Variants in FNBP4 observed in about 807,000 individuals in gnomAD.
FNBP4 encodes the protein formin-binding protein 4.
Under a neutral mutation model 119.3 loss-of-function variants are expected in FNBP4, and 34 were observed. That is an observed-to-expected ratio of 0.28 (90% CI 0.22 to 0.38). The LOEUF is 0.38. FNBP4 is among the 10% of genes least tolerant of loss of function. The probability of loss-of-function intolerance (pLI) is 1.00; values close to 1 mark genes in which losing one functional copy is unlikely to be tolerated. For missense variants in FNBP4, 1,112 were observed against 1,228.9 expected, an observed-to-expected ratio of 0.90 and a Z score of 1.42; for synonymous variants, 462 against 430.6, an observed-to-expected ratio of 1.07 and a Z score of -0.90.
chr11:47,763,229 C>T (rs1275098037), intron 2 of FNBP4, among the ~76,000 whole-genome samples: 1 of 151,884 alleles, frequency 6.6e-6, no homozygotes, highest in East Asian at 2.0e-4. Context: ...TTTGGGAGTC[C>T]AAGGCGGGTG....
intron 12 of FNBP4, chr11:47,730,061 T>G: frequency 1.0e-6 from 1 of 985,464 alleles, no homozygotes; most frequent in Non-Finnish European, 1.2e-6. Flanking sequence ...TCATCTAAAG[T>G]GTTCACAGAA....
intron 1 of FNBP4, among the ~76,000 whole-genome samples, chr11:47,766,150 C>A (rs561476872): frequency 5.3e-4 from 80 of 151,988 alleles, no homozygotes; most frequent in Middle Eastern, 3.2e-3. Context: ...TCCGTCTCTA[C>A]TGAAAATACA....
At position 47,750,890 on chromosome 11, in the gene FNBP4, C is replaced by CA. The variant is rs771029248; in HGVS notation, c.906+25dup. On this transcript the variant is annotated intron_variant, in intron 6 of 16. Transcript: ENST00000263773. The stretch of plus-strand genomic sequence containing the variant: ...AACGCTTATTAGATCTGAAAATAAA[C>CA]AAATGAGGTAAGTTTCGACACTGAC... The CA allele has an allele frequency of 2.0e-4, 315 of 1,611,768 alleles. 3 individuals are homozygous for CA. The highest frequency in any genetic ancestry group is 1.3e-3 in the South Asian group (120 of 90,818).
At chr11:47,753,349 G>A (rs1458364310) in intron 3 of FNBP4, among the ~76,000 whole-genome samples, 1 of 152,084 alleles carries the variant, frequency 6.6e-6, no homozygotes, top group African/African-American at 2.4e-5. Flanking sequence ...GGTGGCTCAC[G>A]CCTGTAATCC....
Position 47,722,963 on chromosome 11 carries a change from A to G in FNBP4, c.2805+13T>C. The G allele has an allele frequency of 6.7e-7, 1 of 1,486,456 alleles. No individual in the cohort carries two copies. The highest frequency in any genetic ancestry group is 8.9e-7 in the Non-Finnish European group (1 of 1,125,694). 92.1% of individuals were successfully genotyped at this position (1,486,456 alleles called of 1,614,324 possible). A position where few individuals can be genotyped will look rare whatever the true frequency, so the allele number is the denominator to read the frequency against. On this transcript the variant is annotated intron_variant, in intron 15 of 16. Coordinates refer to ENST00000263773, the MANE Select transcript of FNBP4 (RefSeq NM_015308.5). ...TTTAAAAATAAATTTTTAAAAAGGGAAATTTATTATACCTTGTCTTTCCTT... is the reference window on the plus strand; with the variant it reads ...TTTAAAAATAAATTTTTAAAAAGGGGAATTTATTATACCTTGTCTTTCCTT...
At chr11:47,722,329 A>C (rs889517107) in intron 15 of FNBP4, among the ~76,000 whole-genome samples, 1 of 151,512 alleles carries the variant, frequency 6.6e-6, no homozygotes, top group Non-Finnish European at 1.5e-5. Context: ...GCTCACTGCA[A>C]CCTCAGCCTC....
chr11:47,726,407 ATTT>A (rs5791786), intron 12 of FNBP4: 3 of 135,684 alleles, frequency 2.2e-5, no homozygotes. Context: ...CTAATTTTTA[ATTT>A]TTTTTTTTTT....
At chr11:47,760,705 A>C (rs1565167009) in intron 2 of FNBP4, among the ~76,000 whole-genome samples, 1 of 152,134 alleles carries the variant, frequency 6.6e-6, no homozygotes, top group Non-Finnish European at 1.5e-5. Context: ...AAGTGCTGGG[A>C]TCACAGGCGT....
At chr11:47,743,396 T>A (rs2097585042) in intron 8 of FNBP4, among the ~76,000 whole-genome samples, 1 of 151,996 alleles carries the variant, frequency 6.6e-6, no homozygotes, top group African/African-American at 2.4e-5. Context: ...GGTAAGAGAA[T>A]TGCTTGAATC....
chr11:47,731,202 G>C (rs1460802413), intron 12 of FNBP4, 172 bp downstream of exon 12: 9 of 567,022 alleles, frequency 1.6e-5, no homozygotes, highest in Admixed American at 7.6e-5. Context: ...GATAACAATA[G>C]TATGCTGATT....
At chr11:47,738,846 AATTTTTTTTTTTTTTTTTTT>A (rs2097577746) in intron 8 of FNBP4, among the ~76,000 whole-genome samples, 1 of 71,670 alleles carries the variant, frequency 1.4e-5, no homozygotes, top group Non-Finnish European at 3.2e-5. Context: ...ATGCCCAGGT[AATTTTTTTTTTTTTTTTTTT>A]TTTTTTTTTT....
At chr11:47,726,273 T>G (rs2097560805) in intron 12 of FNBP4, 1 of 152,228 alleles carries the variant, frequency 6.6e-6, no homozygotes, top group South Asian at 2.1e-4. Flanking sequence ...CTTGCTCTGT[T>G]GCCCAGGCTG....
chr11:47,766,885 G>A (rs1280829387), intron 1 of FNBP4, among the ~76,000 whole-genome samples, 184 bp downstream of exon 1: 2 of 152,076 alleles, frequency 1.3e-5, no homozygotes, highest in Non-Finnish European at 2.9e-5. Context: ...CCGGGCCGAG[G>A]GCGCAGAACT....
chr11:47,761,188 C>A (rs141319075), intron 2 of FNBP4, among the ~76,000 whole-genome samples: 1 of 152,032 alleles, frequency 6.6e-6, no homozygotes, highest in African/African-American at 2.4e-5. Flanking sequence ...AAAATACATA[C>A]AAAATTTAAT....
chr11:47,723,406 A>G (rs2135073049), intron 14 of FNBP4, 90 bp from the exon 15 acceptor site: 3 of 1,503,720 alleles, frequency 2.0e-6, no homozygotes, highest in Non-Finnish European at 2.7e-6. Flanking sequence ...TAGATCACAT[A>G]GAAAATGATT....
rs1167976570 is a variant in FNBP4 at position 47,765,851 on chromosome 11, C to CTTTTTTTTTT, written c.221-499_221-490dup. On this transcript the variant is annotated intron_variant, in intron 1 of 16. Coordinates refer to ENST00000263773, the MANE Select transcript of FNBP4 (RefSeq NM_015308.5). ...GAGATAATAAACACAGAGCTGGAAT[C>CTTTTTTTTTT]TTTTTTTTTTTTTTTTTTTGAGACG... Among the ~76,000 whole-genome samples, 326 of 82,182 alleles carry CTTTTTTTTTT rather than the reference C, an allele frequency of 4.0e-3. 29 individuals are homozygous for CTTTTTTTTTT. Among genetic ancestry groups the CTTTTTTTTTT allele is most frequent in the Non-Finnish European group, 5.2e-3 (240 of 45,804 alleles). The allele number at this position is 82,182 out of a possible 152,430, so 53.9% of individuals were successfully genotyped here. A position where few individuals can be genotyped will look rare whatever the true frequency, so the allele number is the denominator to read the frequency against.
intron 2 of FNBP4, 88 bp from the exon 3 acceptor site, chr11:47,754,752 T>A (rs1332706770): frequency 7.0e-7 from 1 of 1,426,706 alleles, no homozygotes; most frequent in Non-Finnish European, 9.5e-7. Context: ...CATGTTTTTT[T>A]TAAACTTACT....
At chr11:47,764,626 T>C (rs2097642919) in intron 2 of FNBP4, among the ~76,000 whole-genome samples, 1 of 152,042 alleles carries the variant, frequency 6.6e-6, no homozygotes. Context: ...GAAAAGAAAT[T>C]ACTACCAATT....
chr11:47,726,625 T>G (rs572263291), intron 12 of FNBP4: 2 of 152,172 alleles, frequency 1.3e-5, no homozygotes, highest in Non-Finnish European at 2.9e-5. Flanking sequence ...ATAAATGCAG[T>G]TTTCTGGCTA....
Sources: allele counts gnomAD v4.1 joint callset (sites outside exome capture counted in the v4.1 genomes callset), GRCh38; gene constraint gnomAD v4.1.1; transcripts MANE v1.5; gene names NCBI Gene and HGNC (gene_info 2026-07-23, HGNC 2026-07-21).